TAP2: variants seen among roughly 807,000 people sequenced by gnomAD.
The protein encoded by TAP2 is antigen peptide transporter 2.
Under a neutral mutation model 74.7 loss-of-function variants are expected in TAP2, and 49 were observed. The ratio of observed to expected loss-of-function variants is 0.66; its 90% CI spans 0.52 to 0.83. The LOEUF is 0.83. Among genes scored for constraint, TAP2 ranks in the 40% least tolerant of loss-of-function variants. TAP2 has a pLI of 0.00. For missense variants in TAP2, 739 were observed against 859.0 expected (o/e 0.86, Z 1.75); for synonymous variants, 306 against 368.4 (o/e 0.83, Z 1.94).
chr6:32,822,143 G>C (rs1768320754), downstream of TAP2: 1 of 681,894 alleles, frequency 1.5e-6, no homozygotes, highest in South Asian at 1.8e-5. Flanking sequence ...CTCACCCGAA[G>C]TATTGTTTTA....
rs771425114 is a variant in TAP2 at position 32,832,815 on chromosome 6, G to A, written c.955C>T (p.Arg319Trp). 2.2e-5 allele frequency: 35 copies of A among 1,612,278 alleles called. No homozygotes were observed. The highest frequency in any genetic ancestry group is 5.3e-5 in the African/African-American group (4 of 74,916). ...CTGGCCACTGCATCCTGGATCTCCC[G>A]AAGCACTTCCTGGAAAAGAGGGCCA... ...VYNTRHQEVL[R>W]EIQDAVARAG... The change falls in exon 6 of 12, where the codon CGG becomes TGG. Residue 319 changes from arginine (R) to tryptophan (W), a missense_variant. Coordinates refer to ENST00000374897, the MANE Select transcript of TAP2 (RefSeq NM_001290043.2). The surrounding 1 kb of genome is among the most constrained non-coding windows in gnomAD (Gnocchi z 5.9).
At chr6:32,830,168 C>T in intron 9 of TAP2, 79 bp from the exon 10 acceptor site, 1 of 1,612,314 alleles carries the variant, frequency 6.2e-7, no homozygotes, top group South Asian at 1.1e-5. Flanking sequence ...CACCTACCTC[C>T]CTCAGAATGA....
At chr6:32,838,344 T>TATCCTATTC (rs1769581335) in intron 1 of TAP2, 107 bp from the exon 2 acceptor site, 14 of 1,416,228 alleles carry the variant, frequency 9.9e-6, no homozygotes, top group Non-Finnish European at 1.3e-5. Flanking sequence ...CTTCTCATTT[T>TATCCTATTC]ATCCTATTCA....
rs765979312 is a variant in TAP2, at chr6:32,838,042, T to C, written c.192A>G (p.Thr64=). 1.5e-5 allele frequency: 24 copies of C among 1,612,094 alleles called. No individual in the cohort carries two copies. Among genetic ancestry groups the C allele is most frequent in the Non-Finnish European group, 1.9e-5 (22 of 1,179,742 alleles). The change falls in exon 2 of 12, where the codon ACA becomes ACG. Residue 64 remains threonine, a synonymous_variant. Coordinates refer to ENST00000374897, the MANE Select transcript of TAP2 (RefSeq NM_001290043.2). Reference sequence around the variant, plus strand: ...TGGCCAGACAGAGCGGGAGCAGCAGTGTCCCCACAAATCCCAGCAGCCCTC... The same window carrying C: ...TGGCCAGACAGAGCGGGAGCAGCAGCGTCCCCACAAATCCCAGCAGCCCTC... The part of the protein sequence containing the change: ...KLRGLLGFVG[T]LLLPLCLATP...
chr6:32,823,638 T>G (rs1056164610), downstream of TAP2, among the ~76,000 whole-genome samples: 13 of 152,090 alleles, frequency 8.5e-5, no homozygotes, highest in Admixed American at 5.9e-4. Flanking sequence ...GTTTTTATCT[T>G]AATCTAATTT....
At chr6:32,829,799 G>T in intron 10 of TAP2, 131 bp downstream of exon 10, 2 of 1,283,152 alleles carry the variant, frequency 1.6e-6, no homozygotes, top group Non-Finnish European at 2.3e-6. Context: ...TGGGGAAGGA[G>T]ACGTAGGAAT....
intron 5 of TAP2, among the ~76,000 whole-genome samples, chr6:32,833,585 TCCTAATCA>T (rs2127360533): frequency 6.6e-6 from 1 of 151,378 alleles, no homozygotes; most frequent in South Asian, 2.1e-4. Context: ...AATGAGATAA[TCCTAATCA>T]CCTAATCACC....
rs144688548 is a variant in TAP2 at position 32,832,514 on chromosome 6, C to G, written c.1144-53G>C. ...CTGGGAATCTTCCCATTCTTTCCCC[C>G]TCTCTGCCTCTATGAGACTGAGCTG... On this transcript the variant is annotated intron_variant, in intron 6 of 11. Coordinates refer to ENST00000374897, the MANE Select transcript of TAP2 (RefSeq NM_001290043.2). This position sits in a 1 kb window ranked among gnomAD's most constrained non-coding sequence, Gnocchi z 5.9. 5,534 of 1,610,630 alleles carry G rather than the reference C, an allele frequency of 3.4e-3. 63 individuals carry two copies. Among genetic ancestry groups the G allele is most frequent in the African/African-American group, 0.029 (2,157 of 74,998 alleles).
At position 32,825,989 on chromosome 6, in the gene TAP2, G is replaced by T. The variant is rs1436231928; in HGVS notation, c.*2917C>A. 4.1e-6 allele frequency: 4 copies of T among 983,458 alleles called. No individual in the cohort carries two copies. Among genetic ancestry groups the T allele is most frequent in the Admixed American group, 6.2e-5 (1 of 16,218 alleles). The allele number at this position is 983,458 out of a possible 1,614,324, so 60.9% of individuals were successfully genotyped here. A position where few individuals can be genotyped will look rare whatever the true frequency, so the allele number is the denominator to read the frequency against. On this transcript the variant is annotated 3_prime_UTR_variant, in exon 12 of 12. Coordinates refer to ENST00000374897, the MANE Select transcript of TAP2 (RefSeq NM_001290043.2). ...AAGCACCAGTGAATGCTTAGTAGTA[G>T]TAGTAGTCTAATTCCTAAGAGTCCA...
Position 32,825,928 on chromosome 6 carries a change from A to C in TAP2, c.*2978T>G. The C allele has an allele frequency of 1.1e-6, 1 of 906,586 alleles. No individual in the cohort carries two copies. Among genetic ancestry groups the C allele is most frequent in the Non-Finnish European group, 1.3e-6 (1 of 758,368 alleles). 56.2% of individuals were successfully genotyped at this position (906,586 alleles called of 1,614,324 possible). A position where few individuals can be genotyped will look rare whatever the true frequency, so the allele number is the denominator to read the frequency against. On this transcript the variant is annotated 3_prime_UTR_variant, in exon 12 of 12. Coordinates refer to ENST00000374897, the MANE Select transcript of TAP2 (RefSeq NM_001290043.2). ...ATCTTGAAAAATAAGGTAAGAAGACAGGTTTCAGATACTTGGCACAGCAAT... is the reference window on the plus strand; with the variant it reads ...ATCTTGAAAAATAAGGTAAGAAGACCGGTTTCAGATACTTGGCACAGCAAT...
In TAP2 at chr6:32,826,070, T is replaced by C. The variant is rs1046422285; in HGVS notation, c.*2836A>G. 1.0e-6 allele frequency: 1 copy of C among 985,454 alleles called. No individual in the cohort carries two copies. The allele number at this position is 985,454 out of a possible 1,614,324, so 61.0% of individuals were successfully genotyped here. ...CTGGGACCATTAGATGGCATCAGAC[T>C]CAAGCAGGTGCTCCTCTAGCTGACA... On this transcript the variant is annotated 3_prime_UTR_variant, in exon 12 of 12. Transcript: ENST00000374897.
Position 32,828,980 on chromosome 6 carries a change from G to A in TAP2, c.1987C>T (p.Leu663=). The A allele has an allele frequency of 8.4e-6, 13 of 1,550,992 alleles. No individual in the cohort carries two copies. The highest frequency in any genetic ancestry group is 1.1e-5 in the Non-Finnish European group (13 of 1,147,676). ...TGGTGGGCGCGCTGAACTGTCTGCAGCCTGTGAGCAATCACCAGCACTGTG... is the reference window on the plus strand; with the variant it reads ...TGGTGGGCGCGCTGAACTGTCTGCAACCTGTGAGCAATCACCAGCACTGTG... ...DRTVLVIAHR[L]QTVQRAHQIL... The change falls in exon 12 of 12, where the codon CTG becomes TTG. Residue 663 remains leucine (L), a synonymous_variant. Transcript: ENST00000374897.
In TAP2 at chr6:32,826,297, G is replaced by A; in HGVS notation, c.*2609C>T. 1 of 985,366 alleles carries A rather than the reference G, an allele frequency of 1.0e-6. No homozygotes were observed. The highest frequency in any genetic ancestry group is 1.2e-6 in the Non-Finnish European group (1 of 829,930). The allele number at this position is 985,366 out of a possible 1,614,324, so 61.0% of individuals were successfully genotyped here. On this transcript the variant is annotated 3_prime_UTR_variant, in exon 12 of 12. Transcript: ENST00000374897. ...GCAGACAGGCTATGGAGGTGTTTTG[G>A]CATCCAAGGAAATCTATCAGTTTCC... is the stretch of plus-strand genomic sequence containing the variant.
At position 32,835,106 on chromosome 6, in the gene TAP2, C is replaced by T. The variant is rs1244010125; in HGVS notation, c.945+48G>A. 6.3e-7 allele frequency: 1 copy of T among 1,597,128 alleles called. No individual in the cohort carries two copies. The highest frequency in any genetic ancestry group is 8.6e-7 in the Non-Finnish European group (1 of 1,168,052). On this transcript the variant is annotated intron_variant, in intron 5 of 11. Coordinates refer to ENST00000374897, the MANE Select transcript of TAP2 (RefSeq NM_001290043.2). This position sits in a 1 kb window ranked among gnomAD's most constrained non-coding sequence, Gnocchi z 4.0. Reference sequence around the variant, plus strand: ...AGCCACAAATGTGGAAGCCTCCTCACCTGTCAGTTTTATTCTCCCTTTGGG... The same window carrying T: ...AGCCACAAATGTGGAAGCCTCCTCATCTGTCAGTTTTATTCTCCCTTTGGG...
chr6:32,828,675 G>GGCGC lies in TAP2; in HGVS notation c.*230_*231insGCGC. The GGCGC allele has an allele frequency of 2.3e-6, 2 of 884,278 alleles. No homozygotes were observed. Among genetic ancestry groups the GGCGC allele is most frequent in the Non-Finnish European group, 2.7e-6 (2 of 735,238 alleles). 54.8% of individuals were successfully genotyped at this position (884,278 alleles called of 1,614,324 possible). On this transcript the variant is annotated 3_prime_UTR_variant, in exon 12 of 12. Transcript: ENST00000374897. ...GAATTAAGTTTCCTGGACACAGACA[G>GGCGC]CCCCCACCCCACCCCACCCCACCTC...
At chr6:32,838,563 C>T in intron 1 of TAP2, 90 bp downstream of exon 1, 2 of 317,616 alleles carry the variant, frequency 6.3e-6, no homozygotes, top group Admixed American at 4.6e-5. Context: ...TCGCCGGGTG[C>T]AGAGGGACTG....
chr6:32,836,089 G>C (rs1769401739), intron 3 of TAP2, among the ~76,000 whole-genome samples: 1 of 152,212 alleles, frequency 6.6e-6, no homozygotes, highest in Non-Finnish European at 1.5e-5. Context: ...AAAAGATATT[G>C]TGAAAACAAG....
In TAP2 at chr6:32,835,798, GA is replaced by G; in HGVS notation, c.609-26del. ...GCTGTGGGGTAGGAGAATAAGAGGG[GA>G]GGGAGATGCAGAGAAGGAGCAAGCC... On this transcript the variant is annotated intron_variant, in intron 3 of 11. Transcript: ENST00000374897. This position sits in a 1 kb window ranked among gnomAD's most constrained non-coding sequence, Gnocchi z 4.0. 6.2e-7 allele frequency: 1 copy of G among 1,613,092 alleles called. No homozygotes were observed. Among genetic ancestry groups the G allele is most frequent in the Middle Eastern group, 1.7e-4 (1 of 6,060 alleles).
Position 32,832,183 on chromosome 6 carries a change from G to T in TAP2, c.1272+150C>A. On this transcript the variant is annotated intron_variant, in intron 7 of 11. Transcript: ENST00000374897. This position sits in a 1 kb window ranked among gnomAD's most constrained non-coding sequence, Gnocchi z 5.9. ...TGTAATATTATTTTGTCTCATTTTT[G>T]GCATATGTTTAAAATTCTCCATAGC... 2 of 1,034,854 alleles carry T rather than the reference G, an allele frequency of 1.9e-6. No individual in the cohort carries two copies. The highest frequency in any genetic ancestry group is 2.9e-6 in the Non-Finnish European group (2 of 700,590). 64.1% of individuals were successfully genotyped at this position (1,034,854 alleles called of 1,614,324 possible).
Sources: allele counts gnomAD v4.1 joint callset (sites outside exome capture counted in the v4.1 genomes callset), GRCh38; gene constraint gnomAD v4.1.1; non-coding constraint Gnocchi (gnomAD v3.1); transcripts MANE v1.5; gene names NCBI Gene and HGNC (gene_info 2026-07-23, HGNC 2026-07-21).